The following TGM1 variants were observed in gnomAD, a reference collection of about 807,000 sequenced individuals.
The protein encoded by TGM1 is protein-glutamine gamma-glutamyltransferase K.
Under a neutral mutation model 88.7 loss-of-function variants are expected in TGM1, and 63 were observed. The ratio of observed to expected loss-of-function variants is 0.71; its 90% CI spans 0.58 to 0.88. The LOEUF (loss-of-function observed/expected upper bound fraction) is 0.88, where lower values mean the gene tolerates loss of function less well. Among genes scored for constraint, TGM1 ranks in the 40% least tolerant of loss-of-function variants. TGM1 has a pLI of 0.00. For synonymous variants in TGM1, 415 were observed against 431.1 expected (o/e 0.96, Z 0.46); for missense variants, 996 against 1,118.0 (o/e 0.89, Z 1.56).
chr14:24,261,791 C>G lies in TGM1; in HGVS notation c.412G>C (p.Glu138Gln). The G allele has an allele frequency of 2.5e-6, 4 of 1,614,090 alleles. No homozygotes were observed. The highest frequency in any genetic ancestry group is 2.2e-5 in the South Asian group (2 of 91,066). Reference sequence around the variant, plus strand: ...GGCTGCCCGCGGCGCACTATCAGCTCGTCGTACTCATACTCGTCTGTGTGG... The same window carrying G: ...GGCTGCCCGCGGCGCACTATCAGCTGGTCGTACTCATACTCGTCTGTGTGG... ...EHHTDEYEYDELIVRRGQPFH... is the reference protein window; with the variant it reads ...EHHTDEYEYDQLIVRRGQPFH... Residue 138 changes from glutamate to glutamine, a missense_variant, in exon 3 of 15, where the codon GAG (glutamate) becomes CAG (glutamine). By Grantham distance (29) the Glu-to-Gln change is conservative. Coordinates refer to ENST00000206765, the MANE Select transcript of TGM1 (RefSeq NM_000359.3).
rs755985963 is a variant in TGM1, at chr14:24,254,725, C to T, written c.2027G>A (p.Ser676Asn). Residue 676 changes from serine (S) to asparagine (N), a missense_variant, in exon 13 of 15, where the codon AGC becomes AAC. Physicochemically the swap from Ser to Asn is conservative, Grantham distance 46. Coordinates refer to ENST00000206765, the MANE Select transcript of TGM1 (RefSeq NM_000359.3). ...GTGCTGCTTGGCCAGCACCTGCCCG[C>T]TCTCCTTGACGTGGCCTGAGACATT... ...LLNVSGHVKE[S>N]GQVLAKQHTF... is the part of the protein sequence containing the mutation. 6.2e-7 allele frequency: 1 copy of T among 1,614,050 alleles called. No individual in the cohort carries two copies. The highest frequency in any genetic ancestry group is 8.5e-7 in the Non-Finnish European group (1 of 1,180,034).
chr14:24,256,185 G>A (rs569554052), intron 9 of TGM1, 108 bp from the exon 10 acceptor site: 2 of 912,360 alleles, frequency 2.2e-6, no homozygotes, highest in South Asian at 2.8e-5. Context: ...CTCAGGCCCG[G>A]TCCCACTGCC....
rs757785138 is a variant in TGM1, at chr14:24,255,301, C to T, written c.1646-48G>A. ...GAGGTTCCAATTCCCACGTGGGTGG[C>T]CAAGCACTTGGCAGGAACACTTGTT... On this transcript the variant is annotated intron_variant, in intron 11 of 14. Coordinates refer to ENST00000206765, the MANE Select transcript of TGM1 (RefSeq NM_000359.3). This position sits in a 1 kb window ranked among gnomAD's most constrained non-coding sequence, Gnocchi z 4.0. The T allele has an allele frequency of 9.3e-6, 15 of 1,614,172 alleles. No individual in the cohort carries two copies. Among genetic ancestry groups the T allele is most frequent in the Non-Finnish European group, 1.3e-5 (15 of 1,180,028 alleles).
Position 24,259,678 on chromosome 14 carries a change from G to A in TGM1, c.984+26C>T, listed in dbSNP as rs755037776. The A allele has an allele frequency of 6.3e-7, 1 of 1,579,780 alleles. No homozygotes were observed. Among genetic ancestry groups the A allele is most frequent in the Admixed American group, 1.7e-5 (1 of 58,376 alleles). ...CGAGGCAGCAGGCACACACACAGTA[G>A]GACTCAGAGATGTGAGGGTGCTCAC... On this transcript the variant is annotated intron_variant, in intron 6 of 14. Transcript: ENST00000206765. The surrounding 1 kb of genome is among the most constrained non-coding windows in gnomAD (Gnocchi z 5.7).
At position 24,256,074 on chromosome 14, in the gene TGM1, A is replaced by G. The variant is rs767801047; in HGVS notation, c.1406T>C (p.Ile469Thr). Reference protein sequence around the residue: ...DATPQETSSGIFCCGPCSVES... With the variant: ...DATPQETSSGTFCCGPCSVES... The stretch of plus-strand genomic sequence containing the variant: ...CACAGAGCAGGGGCCGCAGCAGAAG[A>G]TGCCTAGAGAGTGAGGCGGGACAGA... Residue 469 changes from isoleucine to threonine, a missense_variant, in exon 10 of 15, where the codon ATC (isoleucine) becomes ACC (threonine). Ile to Thr is a moderately conservative substitution (Grantham distance 89). Coordinates refer to ENST00000206765, the MANE Select transcript of TGM1 (RefSeq NM_000359.3). 1.2e-5 allele frequency: 18 copies of G among 1,563,334 alleles called. No homozygotes were observed. Among genetic ancestry groups the G allele is most frequent in the Non-Finnish European group, 1.5e-5 (17 of 1,152,866 alleles).
rs143322085 is a variant in TGM1 at position 24,255,136 on chromosome 14, G to A, written c.1763C>T (p.Ala588Val). The A allele has an allele frequency of 3.7e-5, 59 of 1,614,046 alleles. No individual in the cohort carries two copies. Among genetic ancestry groups the A allele is most frequent in the South Asian group, 7.7e-5 (7 of 91,076 alleles). The change falls in exon 12 of 15, where the codon GCG becomes GTG. Residue 588 changes from alanine (A) to valine (V), a missense_variant. Ala to Val is a moderately conservative substitution (Grantham distance 64, BLOSUM62 0). Transcript: ENST00000206765. The surrounding 1 kb of genome is among the most constrained non-coding windows in gnomAD (Gnocchi z 4.0). Reference protein sequence around the residue: ...DVAMQVEAQDAVMGQDLMVSV... With the variant: ...DVAMQVEAQDVVMGQDLMVSV... ...GACCATCAGATCCTGCCCCATCACCGCGTCCTGTGCCTCCACCTGCATGGC... is the reference window on the plus strand; with the variant it reads ...GACCATCAGATCCTGCCCCATCACCACGTCCTGTGCCTCCACCTGCATGGC...
rs41293818 is a variant in TGM1, at chr14:24,254,874, C to T, written c.1928-50G>A. ...CTGAGGCCTGCTTCCCTACATGAGG[C>T]TTCCCCCAGGGACTCCCCACTGCTC... On this transcript the variant is annotated intron_variant, in intron 12 of 14. Coordinates refer to ENST00000206765, the MANE Select transcript of TGM1 (RefSeq NM_000359.3). The T allele has an allele frequency of 1.6e-3, 2,588 of 1,612,880 alleles. 41 individuals are homozygous for T. The African/African-American group carries it at 0.03, about 19-fold the overall frequency.
At position 24,254,774 on chromosome 14, in the gene TGM1, C is replaced by T; in HGVS notation, c.1978G>A (p.Val660Met). Residue 660 changes from valine to methionine, a missense_variant, in exon 13 of 15, where the codon GTG (valine) becomes ATG (methionine). Val to Met is a conservative substitution (Grantham distance 21). Transcript: ENST00000206765. ...VAYKEYRPHLVDQGAMLLNVS... is the reference protein window; with the variant it reads ...VAYKEYRPHLMDQGAMLLNVS... ...TTGAGCAGCATGGCCCCCTGGTCCA[C>T]AAGATGGGGCCGGTATTCCTTGTAG... 4 of 1,614,010 alleles carry T rather than the reference C, an allele frequency of 2.5e-6. No individual in the cohort carries two copies. Among genetic ancestry groups the T allele is most frequent in the South Asian group, 1.1e-5 (1 of 91,086 alleles).
chr14:24,254,676 G>T lies in TGM1; in HGVS notation c.2076C>A (p.Asp692Glu). Reference sequence around the variant, plus strand: ...AAACTGCATTCACCGTGAGGGAGAGGTCTGGGGTGCGCAGACGGAAGGTGT... The same window carrying T: ...AAACTGCATTCACCGTGAGGGAGAGTTCTGGGGTGCGCAGACGGAAGGTGT... ...KQHTFRLRTPDLSLTLLGAAV... is the reference protein window; with the variant it reads ...KQHTFRLRTPELSLTLLGAAV... Residue 692 changes from aspartate to glutamate, a missense_variant, in exon 13 of 15, where the codon GAC becomes GAA. Coordinates refer to ENST00000206765, the MANE Select transcript of TGM1 (RefSeq NM_000359.3). 4 of 1,613,910 alleles carry T rather than the reference G, an allele frequency of 2.5e-6. No homozygotes were observed. The highest frequency in any genetic ancestry group is 3.4e-6 in the Non-Finnish European group (4 of 1,180,044).
At chr14:24,254,900 C>T (rs2040735146) in intron 12 of TGM1, 72 bp downstream of exon 12, 1 of 1,612,752 alleles carries the variant, frequency 6.2e-7, no homozygotes. Context: ...CCCACTGCTC[C>T]TGGGGTCTCC....
intron 9 of TGM1, among the ~76,000 whole-genome samples, chr14:24,257,499 C>T (rs1187877862): frequency 6.6e-6 from 1 of 152,154 alleles, no homozygotes; most frequent in Non-Finnish European, 1.5e-5. Context: ...CTATCTGAGC[C>T]CTGATTTTTT....
chr14:24,258,527 C>T lies in TGM1; in HGVS notation c.1298+8G>A. 3 of 1,614,166 alleles carry T rather than the reference C, an allele frequency of 1.9e-6. 1 individual carries two copies. The South Asian group carries it at 3.3e-5, about 18-fold the overall frequency. The stretch of plus-strand genomic sequence containing the variant: ...TTCAGCACAGATGGGCAGTCCACCC[C>T]AGCTCACCAGACAGAATCATGGTTC... On this transcript the variant is annotated splice_region_variant and intron_variant, in intron 8 of 14. Coordinates refer to ENST00000206765, the MANE Select transcript of TGM1 (RefSeq NM_000359.3).
In TGM1 at chr14:24,254,994, T is replaced by C. The variant is rs547689240; in HGVS notation, c.1905A>G (p.Glu635=). The C allele has an allele frequency of 6.2e-7, 1 of 1,613,930 alleles. No homozygotes were observed. Among genetic ancestry groups the C allele is most frequent in the Non-Finnish European group, 8.5e-7 (1 of 1,180,032 alleles). Residue 635 remains glutamate (E), a synonymous_variant, in exon 12 of 15, where the codon GAA becomes GAG. Coordinates refer to ENST00000206765, the MANE Select transcript of TGM1 (RefSeq NM_000359.3). ...TACAGGCCCCTGGTGCCAGCTCCAC[T>C]TCCTTCTTGGTCTCCTTGAAGATGG... ...SGTIFKETKK[E]VELAPGASDR...
intron 1 of TGM1, 50 bp from the exon 2 acceptor site, chr14:24,262,404 T>C: frequency 1.3e-6 from 2 of 1,594,744 alleles, no homozygotes; most frequent in Non-Finnish European, 1.7e-6. Context: ...TCCCAGCCAG[T>C]TGACCCAGAA....
intron 14 of TGM1, among the ~76,000 whole-genome samples, chr14:24,250,179 T>TGTGTGTGTGTGAGAGAGA (rs138497842): frequency 4.3e-5 from 6 of 140,700 alleles, no homozygotes; most frequent in African/African-American, 1.6e-4. Flanking sequence ...TGTGTGTGTG[T>TGTGTGTGTGTGAGAGAGA]GAGAGAGACA....
intron 14 of TGM1, among the ~76,000 whole-genome samples, chr14:24,252,537 G>A (rs927789744): frequency 1.3e-5 from 2 of 152,226 alleles, no homozygotes; most frequent in Non-Finnish European, 2.9e-5. Flanking sequence ...AGGCTACCCG[G>A]GGGGTTCAGG....
Position 24,255,970 on chromosome 14 carries a change from C to T in TGM1, c.1491+19G>A, listed in dbSNP as rs1376223641. 5 of 1,552,232 alleles carry T rather than the reference C, an allele frequency of 3.2e-6. No homozygotes were observed. In the African/African-American group the frequency reaches 5.5e-5, roughly 17 times the overall value. On this transcript the variant is annotated intron_variant, in intron 10 of 14. Coordinates refer to ENST00000206765, the MANE Select transcript of TGM1 (RefSeq NM_000359.3). This position sits in a 1 kb window ranked among gnomAD's most constrained non-coding sequence, Gnocchi z 4.0. ...CCCATGACTGAAGCCCAAGAAGGCA[C>T]CTGGAGCCCAGCCCTCACCTCAGCA...
chr14:24,249,637 T>C (rs1194543975), intron 14 of TGM1, 96 bp from the exon 15 acceptor site: 7 of 1,107,822 alleles, frequency 6.3e-6, no homozygotes, highest in Non-Finnish European at 9.3e-6. Flanking sequence ...AAGCAGGAGG[T>C]GGACCCATTC....
At chr14:24,251,267 A>G (rs1353472849) in intron 14 of TGM1, among the ~76,000 whole-genome samples, 1 of 152,212 alleles carries the variant, frequency 6.6e-6, no homozygotes, top group African/African-American at 2.4e-5. Flanking sequence ...CTGACTGCTT[A>G]CAAATTTGCA....
Sources: gnomAD v4.1 joint callset for allele counts (sites outside exome capture counted in the v4.1 genomes callset) on GRCh38, gnomAD v4.1.1 for gene constraint, Gnocchi (gnomAD v3.1) non-coding constraint, MANE v1.5 for transcripts, NCBI Gene and HGNC (gene_info 2026-07-23, HGNC 2026-07-21) for gene names.